The following AEBP2 variants were observed in gnomAD, a reference collection of about 807,000 sequenced individuals.
AEBP2 encodes the protein AE binding protein 2.
In AEBP2, 10 loss-of-function variants were observed where a neutral mutation model predicts 50.8. The observed-to-expected ratio is 0.20, with a 90% CI of 0.12 to 0.33. The LOEUF (loss-of-function observed/expected upper bound fraction) is 0.33, where lower values mean the gene tolerates loss of function less well. Ranked by LOEUF, AEBP2 falls within the 10% of genes least tolerant of loss-of-function variation. The pLI, the probability that AEBP2 is intolerant of heterozygous loss-of-function variation, is 1.00. For synonymous variants in AEBP2, 296 were observed against 261.3 expected (o/e 1.13, Z -1.28); for missense variants, 570 against 688.0 (o/e 0.83, Z 1.92).
intron 1 of AEBP2, among the ~76,000 whole-genome samples, chr12:19,442,135 C>T (rs2467114): frequency 6.6e-6 from 1 of 152,074 alleles, no homozygotes; most frequent in Non-Finnish European, 1.5e-5. Flanking sequence ...AGGCCGGGCG[C>T]GGTGGCTCAG....
rs1016858822 is a variant in AEBP2 at position 19,439,712 on chromosome 12, A to G, written c.13A>G (p.Ile5Val). The G allele has an allele frequency of 5.3e-6, 8 of 1,513,014 alleles. No homozygotes were observed. The African/African-American group carries it at 5.9e-5, about 11-fold the overall frequency. The allele number at this position is 1,513,014 out of a possible 1,614,324, so 93.7% of individuals were successfully genotyped here. A position where few individuals can be genotyped will look rare whatever the true frequency, so the allele number is the denominator to read the frequency against. ...AGCAGGCGCCGCCATGGCCGCCGCT[A>G]TCACCGACATGGCCGACCTGGAGGA... MAAAITDMADLEELS... is the reference protein window; with the variant it reads MAAAVTDMADLEELS... The change falls in exon 1 of 8, where the codon ATC becomes GTC. Residue 5 changes from isoleucine (I) to valine (V), a missense_variant. Coordinates refer to ENST00000266508, the MANE Select transcript of AEBP2 (RefSeq NM_153207.5).
At chr12:19,445,253 C>T (rs1479210187) in intron 1 of AEBP2, among the ~76,000 whole-genome samples, 1 of 152,086 alleles carries the variant, frequency 6.6e-6, no homozygotes, top group Non-Finnish European at 1.5e-5. Flanking sequence ...GGCTGGAGTG[C>T]AGTGGTGCGA....
chr12:19,457,785 G>C lies in AEBP2; in HGVS notation c.672-4725G>C, dbSNP rs1948297173. Reference sequence around the variant, plus strand: ...TCACAGCAGCATCAAGCGGGCACTTGTTAGAAATGCTTTATCTCAGGACCT... The same window carrying C: ...TCACAGCAGCATCAAGCGGGCACTTCTTAGAAATGCTTTATCTCAGGACCT... On this transcript the variant is annotated intron_variant, in intron 1 of 7. Transcript: ENST00000266508. The C allele has an allele frequency of 1.5e-5, 6 of 390,744 alleles. No individual in the cohort carries two copies. The South Asian group carries it at 4.3e-4, about 28-fold the overall frequency. The allele number at this position is 390,744 out of a possible 1,614,324, so 24.2% of individuals were successfully genotyped here.
chr12:19,492,089 G>A (rs1320612282), intron 3 of AEBP2, among the ~76,000 whole-genome samples: 6 of 152,082 alleles, frequency 3.9e-5, no homozygotes, highest in African/African-American at 1.4e-4. Context: ...AAGATGAACC[G>A]CCTGGGGATA....
intron 2 of AEBP2, among the ~76,000 whole-genome samples, chr12:19,467,605 G>A (rs757488639): frequency 1.4e-4 from 21 of 152,114 alleles, no homozygotes; most frequent in Non-Finnish European, 2.8e-4. Context: ...AGGTCCGTAC[G>A]TCTATGTGTG....
chr12:19,440,112 G>A lies in AEBP2; in HGVS notation c.413G>A (p.Arg138His). The A allele has an allele frequency of 6.6e-7, 1 of 1,505,660 alleles. No homozygotes were observed. The highest frequency in any genetic ancestry group is 1.2e-5 in the South Asian group (1 of 81,322). The allele number at this position is 1,505,660 out of a possible 1,614,324, so 93.3% of individuals were successfully genotyped here. ...GGCGGGAGCAGCAGCGACGAGACCCGCTCGTTGAGCCCCGGCGCCGCCAGC... is the reference window on the plus strand; with the variant it reads ...GGCGGGAGCAGCAGCGACGAGACCCACTCGTTGAGCCCCGGCGCCGCCAGC... ...SSGGSSSDET[R>H]SLSPGAASSS... The change falls in exon 1 of 8, where the codon CGC becomes CAC. Residue 138 changes from arginine (R) to histidine (H), a missense_variant. Physicochemically the swap from Arg to His is conservative, Grantham distance 29. Transcript: ENST00000266508.
At chr12:19,405,560 G>A (rs1401162006) in intron 1 of AEBP2, among the ~76,000 whole-genome samples, 1 of 151,922 alleles carries the variant, frequency 6.6e-6, no homozygotes, top group African/African-American at 2.4e-5. Context: ...TCTTGACCTC[G>A]TGATCCGCCC....
chr12:19,452,467 A>G (rs1832911126), intron 1 of AEBP2, among the ~76,000 whole-genome samples: 1 of 151,766 alleles, frequency 6.6e-6, no homozygotes, highest in Non-Finnish European at 1.5e-5. Context: ...AATAGTCATA[A>G]CCTGTAACAA....
rs1565720270 is a variant in AEBP2, at chr12:19,473,375, A to ACATTAATT, written c.987+20_987+21insCATTAATT. The ACATTAATT allele has an allele frequency of 7.7e-6, 2 of 260,714 alleles. No homozygotes were observed. The allele number at this position is 260,714 out of a possible 1,614,324, so 16.2% of individuals were successfully genotyped here. A position where few individuals can be genotyped will look rare whatever the true frequency, so the allele number is the denominator to read the frequency against. On this transcript the variant is annotated intron_variant, in intron 3 of 7. Coordinates refer to ENST00000266508, the MANE Select transcript of AEBP2 (RefSeq NM_153207.5). ...TTCAAGGTAAGGATGCATGTATATA[A>ACATTAATT]AATTTATTTATTTATTTATTTATTT...
intron 2 of AEBP2, among the ~76,000 whole-genome samples, chr12:19,473,046 C>T (rs1190680492): frequency 6.6e-6 from 1 of 151,932 alleles, no homozygotes; most frequent in African/African-American, 2.4e-5. Flanking sequence ...AATTCCTTAT[C>T]GAAGGTGTGG....
At chr12:19,470,009 T>C (rs1948546039) in intron 2 of AEBP2, among the ~76,000 whole-genome samples, 1 of 151,992 alleles carries the variant, frequency 6.6e-6, no homozygotes, top group South Asian at 2.1e-4. Flanking sequence ...ATAAAAATGT[T>C]TTTCAGATAT....
intron 1 of AEBP2, among the ~76,000 whole-genome samples, chr12:19,415,600 T>A (rs1402748282): frequency 6.6e-6 from 1 of 151,052 alleles, no homozygotes; most frequent in Non-Finnish European, 1.5e-5. Flanking sequence ...ACTCAATATA[T>A]CTGATTACCT....
At chr12:19,489,982 A>G (rs986549061) in intron 3 of AEBP2, among the ~76,000 whole-genome samples, 11 of 149,278 alleles carry the variant, frequency 7.4e-5, no homozygotes, top group African/African-American at 2.7e-4. Context: ...ATTGATAATT[A>G]AAATAAACTT....
chr12:19,446,922 C>CAAAAAACA (rs367558879), intron 1 of AEBP2, among the ~76,000 whole-genome samples: 37 of 151,004 alleles, frequency 2.5e-4, no homozygotes, highest in Non-Finnish European at 5.0e-4. Context: ...AAGACTCTCA[C>CAAAAAACA]AAAAAACAAA....
intron 1 of AEBP2, among the ~76,000 whole-genome samples, chr12:19,451,079 G>C (rs1258922098): frequency 6.6e-6 from 1 of 152,116 alleles, no homozygotes. Flanking sequence ...CAGTTTATTA[G>C]AGTTGTAAGC....
At chr12:19,467,749 CT>C (rs1344488846) in intron 2 of AEBP2, among the ~76,000 whole-genome samples, 2 of 152,118 alleles carry the variant, frequency 1.3e-5, no homozygotes, top group African/African-American at 2.4e-5. Context: ...TATTACTGTT[CT>C]TTCTTAGCTA....
chr12:19,453,267 C>T (rs1380330676), intron 1 of AEBP2, among the ~76,000 whole-genome samples: 2 of 150,756 alleles, frequency 1.3e-5, no homozygotes, highest in African/African-American at 2.4e-5. Context: ...CCGTGCCCGG[C>T]CGACTTAACG....
Position 19,512,395 on chromosome 12 carries a change from C to T in AEBP2, c.1300-3C>T. 1 of 1,534,678 alleles carries T rather than the reference C, an allele frequency of 6.5e-7. No individual in the cohort carries two copies. The highest frequency in any genetic ancestry group is 8.8e-7 in the Non-Finnish European group (1 of 1,134,368). ...TTATGATTTCTTTTCATGTCATTAT[C>T]AGGTAATAGCTAAGAGAAAAGAAGA... On this transcript the variant is annotated splice_polypyrimidine_tract_variant and splice_region_variant and intron_variant, in intron 5 of 7. Transcript: ENST00000266508.
intron 5 of AEBP2, among the ~76,000 whole-genome samples, chr12:19,503,328 GGTGT>G (rs374431120): frequency 6.9e-5 from 10 of 145,554 alleles, no homozygotes; most frequent in African/African-American, 1.5e-4. Flanking sequence ...TGTATTCCTT[GGTGT>G]GTGTGTGTGT....
Sources: gnomAD v4.1 joint callset for allele counts (sites outside exome capture counted in the v4.1 genomes callset) on GRCh38, gnomAD v4.1.1 for gene constraint, MANE v1.5 for transcripts, NCBI Gene and HGNC (gene_info 2026-07-23, HGNC 2026-07-21) for gene names.